Variants in SASH1 observed in about 807,000 individuals in gnomAD.
SASH1 encodes the protein SAM and SH3 domain-containing protein 1.
Under a neutral mutation model 125.2 loss-of-function variants are expected in SASH1, and 44 were observed. The observed-to-expected ratio is 0.35, with a 90% CI of 0.28 to 0.45. SASH1 has a LOEUF of 0.45. SASH1 is among the 20% of genes least tolerant of loss of function. The pLI is 1.00. For missense variants in SASH1, 1,426 were observed against 1,614.5 expected (o/e 0.88, Z 2.00); for synonymous variants, 639 against 649.1 (o/e 0.98, Z 0.24).
chr6:148,368,770 G>GCACGCACACACACA (rs1554245333), intron 1 of SASH1, among the ~76,000 whole-genome samples: 93 of 135,708 alleles, frequency 6.9e-4, no homozygotes, highest in African/African-American at 2.1e-3. Context: ...GCACGCGCGC[G>GCACGCACACACACA]CACACACACA....
At position 148,546,039 on chromosome 6, in the gene SASH1, G is replaced by T; in HGVS notation, c.3373G>T (p.Ala1125Ser). 6.2e-7 allele frequency: 1 copy of T among 1,614,050 alleles called. No homozygotes were observed. Among genetic ancestry groups the T allele is most frequent in the Non-Finnish European group, 8.5e-7 (1 of 1,179,972 alleles). ...DKHGRCGIPE[A>S]LVQRYAEDLD... ...GCATGGCCGCTGTGGGATTCCTGAA[G>T]CCCTGGTGCAGAGATACGCAGAGGA... is the stretch of plus-strand genomic sequence containing the variant. The change falls in exon 19 of 20, where the codon GCC (alanine) becomes TCC (serine). Residue 1125 changes from alanine to serine, a missense_variant. Physicochemically the swap from Ala to Ser is moderately conservative, Grantham distance 99. Around this residue, in one of 3 missense-constraint regions of SASH1, gnomAD observed 634 missense variants for 694.4 expected, o/e 0.91. Transcript: ENST00000367467.
intron 5 of SASH1, 161 bp downstream of exon 5, chr6:148,468,746 T>TAAA (rs576009342): frequency 1.8e-6 from 1 of 540,544 alleles, no homozygotes; most frequent in African/African-American, 1.9e-5. Flanking sequence ...TAGGCAGTTT[T>TAAA]AAAAAAATAT....
At chr6:148,508,984 T>A in intron 8 of SASH1, 2 of 558,644 alleles carry the variant, frequency 3.6e-6, no homozygotes, top group Non-Finnish European at 6.2e-6. Flanking sequence ...CTTTTCTTCT[T>A]AAATTCCTCT....
chr6:148,543,764 A>G lies in SASH1; in HGVS notation c.2294A>G (p.Asn765Ser), dbSNP rs1782368682. 5 of 1,612,434 alleles carry G rather than the reference A, an allele frequency of 3.1e-6. No homozygotes were observed. Among genetic ancestry groups the G allele is most frequent in the East Asian group, 2.2e-5 (1 of 44,832 alleles). The change falls in exon 18 of 20, where the codon AAT becomes AGT. Residue 765 changes from asparagine to serine, a missense_variant. Asn to Ser is a conservative substitution (Grantham distance 46, BLOSUM62 1). Coordinates refer to ENST00000367467, the MANE Select transcript of SASH1 (RefSeq NM_015278.5). ...TCTTTTAGCAGAAACCAGTTGGGCA[A>G]TTACCCAACATTGCCTTTAATGAAA... is the stretch of plus-strand genomic sequence containing the variant. ...LKSFSRNQLG[N>S]YPTLPLMKSG...
At chr6:148,413,540 A>G (rs940688024) in intron 2 of SASH1, among the ~76,000 whole-genome samples, 1 of 152,180 alleles carries the variant, frequency 6.6e-6, no homozygotes, top group Non-Finnish European at 1.5e-5. Context: ...CTGCTGGGAC[A>G]TTCTTGTGGA....
At chr6:148,425,206 A>G (rs1775763143) in intron 2 of SASH1, among the ~76,000 whole-genome samples, 1 of 152,182 alleles carries the variant, frequency 6.6e-6, no homozygotes, top group Non-Finnish European at 1.5e-5. Context: ...CTTCAGGATG[A>G]ACACTGCATG....
intron 12 of SASH1, among the ~76,000 whole-genome samples, chr6:148,530,834 C>T (rs1781472052): frequency 6.6e-6 from 1 of 152,148 alleles, no homozygotes; most frequent in Admixed American, 6.5e-5. Context: ...ACTCAAAATG[C>T]AGGAAGTACT....
chr6:148,417,322 C>T (rs1175759334), intron 2 of SASH1, among the ~76,000 whole-genome samples: 1 of 152,106 alleles, frequency 6.6e-6, no homozygotes, highest in Non-Finnish European at 1.5e-5. Context: ...CGCGGTGGCT[C>T]ATGCCTGTAT....
At chr6:148,446,865 T>C (rs1337563223) in intron 4 of SASH1, among the ~76,000 whole-genome samples, 3 of 152,170 alleles carry the variant, frequency 2.0e-5, no homozygotes, top group African/African-American at 7.2e-5. Flanking sequence ...TAAGAAGCAG[T>C]ACACAGATTT....
chr6:148,375,593 G>C (rs1000213607), intron 1 of SASH1, among the ~76,000 whole-genome samples: 1 of 152,116 alleles, frequency 6.6e-6, no homozygotes, highest in Non-Finnish European at 1.5e-5. Context: ...AGATCATCTT[G>C]AGGGGAAATG....
intron 4 of SASH1, among the ~76,000 whole-genome samples, chr6:148,454,225 C>T (rs1777233707): frequency 6.6e-6 from 1 of 152,124 alleles, no homozygotes; most frequent in African/African-American, 2.4e-5. Flanking sequence ...AGGAGGAGAC[C>T]CAGCAGGAAT....
In SASH1 at chr6:148,435,400, A is replaced by G. The variant is rs1776254328; in HGVS notation, c.286-4784A>G. ...ACTCAAAAAAAAAAAAAAAAAAAGGATAGTATATTTACACTTAGGAAACAA... is the reference window on the plus strand; with the variant it reads ...ACTCAAAAAAAAAAAAAAAAAAAGGGTAGTATATTTACACTTAGGAAACAA... On this transcript the variant is annotated intron_variant, in intron 2 of 19. Transcript: ENST00000367467. Among the ~76,000 whole-genome samples the G allele has an allele frequency of 1.3e-5, 2 of 150,676 alleles. 1 individual carries two copies. The highest frequency in any genetic ancestry group is 4.2e-4 in the South Asian group (2 of 4,744).
At chr6:148,548,171 A>G in intron 19 of SASH1, 124 bp from the exon 20 acceptor site, 1 of 843,124 alleles carries the variant, frequency 1.2e-6, no homozygotes, top group Non-Finnish European at 1.8e-6. Context: ...CACTCATTGC[A>G]TTGTCGCTTT....
chr6:148,444,695 A>G (rs1776700754), intron 4 of SASH1, among the ~76,000 whole-genome samples: 1 of 152,160 alleles, frequency 6.6e-6, no homozygotes, highest in South Asian at 2.1e-4. Context: ...TATTGATGAG[A>G]CTATCTGTTA....
rs1487083694 is a variant in SASH1 at position 148,407,169 on chromosome 6, C to T, written c.285+16907C>T. ...ATCACATGTTGTTCCACCATCACCA[C>T]CAACCATCCACAGAGCTCTTTCCGT... is the stretch of plus-strand genomic sequence containing the variant. On this transcript the variant is annotated intron_variant, in intron 2 of 19. Transcript: ENST00000367467. Among the ~76,000 whole-genome samples the T allele has an allele frequency of 3.8e-4, 58 of 152,178 alleles. 1 individual carries two copies. The highest frequency in any genetic ancestry group is 3.7e-3 in the Admixed American group (57 of 15,282).
At chr6:148,541,991 G>A (rs1782249664) in intron 17 of SASH1, among the ~76,000 whole-genome samples, 1 of 152,138 alleles carries the variant, frequency 6.6e-6, no homozygotes. Flanking sequence ...GCTCATGTAG[G>A]TTCTGAAGAA....
chr6:148,463,574 G>A (rs1777712570), intron 4 of SASH1, among the ~76,000 whole-genome samples: 1 of 152,074 alleles, frequency 6.6e-6, no homozygotes, highest in Admixed American at 6.6e-5. Context: ...TTCTCTTTAT[G>A]ACCACTAAAA....
chr6:148,456,063 G>A (rs975779869), intron 4 of SASH1, among the ~76,000 whole-genome samples: 1 of 152,206 alleles, frequency 6.6e-6, no homozygotes. Flanking sequence ...CTCGGGGATG[G>A]TGAATGGGAG....
intron 2 of SASH1, among the ~76,000 whole-genome samples, chr6:148,392,121 C>T (rs1309071839): frequency 1.3e-5 from 2 of 151,924 alleles, no homozygotes; most frequent in Non-Finnish European, 2.9e-5. Flanking sequence ...CCCGTCTCTA[C>T]TAAAAAAATA....
Sources: allele counts gnomAD v4.1 joint callset (sites outside exome capture counted in the v4.1 genomes callset), GRCh38; gene constraint gnomAD v4.1.1; regional missense constraint gnomAD v4.1.1; transcripts MANE v1.5; gene names NCBI Gene and HGNC (gene_info 2026-07-23, HGNC 2026-07-21).